The following RBFOX3 variants were observed in gnomAD, a reference collection of about 807,000 sequenced individuals.
RBFOX3 encodes RNA binding fox-1 homolog 3, also known as RNA binding protein fox-1 homolog 3.
A neutral mutation model predicts 48.7 loss-of-function variants in RBFOX3; 17 were observed. That is an observed-to-expected ratio of 0.35 (90% CI 0.24 to 0.52). The LOEUF (loss-of-function observed/expected upper bound fraction) is 0.52, where lower values mean the gene tolerates loss of function less well. Among genes scored for constraint, RBFOX3 ranks in the 20% least tolerant of loss-of-function variants. The pLI is 0.94. For missense variants in RBFOX3, 382 were observed against 497.5 expected (o/e 0.77, Z 2.21); for synonymous variants, 212 against 209.5 (o/e 1.01, Z -0.10).
intron 4 of RBFOX3, among the ~76,000 whole-genome samples, chr17:79,145,861 C>T (rs1018918386): frequency 2.6e-5 from 4 of 152,256 alleles, no homozygotes; most frequent in African/African-American, 9.6e-5. Flanking sequence ...CGTCTCCAAC[C>T]TTTTTGGTAC....
chr17:79,291,580 G>A (rs1182450000), intron 3 of RBFOX3, among the ~76,000 whole-genome samples: 1 of 152,184 alleles, frequency 6.6e-6, no homozygotes, highest in East Asian at 1.9e-4. Context: ...TCCACCCCTT[G>A]AGCCTCACAG....
At chr17:79,104,810 A>G (rs2077068891) in intron 6 of RBFOX3, among the ~76,000 whole-genome samples, 1 of 151,754 alleles carries the variant, frequency 6.6e-6, no homozygotes, top group Admixed American at 6.6e-5. Context: ...GGGCAGGGGG[A>G]AAATGGGGTT....
chr17:79,209,370 A>T (rs1025467622), intron 4 of RBFOX3, among the ~76,000 whole-genome samples: 3 of 152,246 alleles, frequency 2.0e-5, no homozygotes, highest in African/African-American at 7.2e-5. Flanking sequence ...ACAAGGCTTC[A>T]TCCCTGTTGT....
intron 2 of RBFOX3, among the ~76,000 whole-genome samples, chr17:79,399,481 T>G (rs959733764): frequency 3.0e-5 from 4 of 134,418 alleles, no homozygotes; most frequent in Admixed American, 8.0e-5. Flanking sequence ...GCAGGGATGG[T>G]TTTTTTTTGC....
chr17:79,309,350 C>A (rs536401880), intron 2 of RBFOX3, among the ~76,000 whole-genome samples: 75 of 111,676 alleles, frequency 6.7e-4, no homozygotes, highest in African/African-American at 2.2e-3. Context: ...CCTCTCCCAC[C>A]CCGTGGCTCT....
At chr17:79,193,598 T>C (rs1187363673) in intron 4 of RBFOX3, among the ~76,000 whole-genome samples, 1 of 152,230 alleles carries the variant, frequency 6.6e-6, no homozygotes, top group Non-Finnish European at 1.5e-5. Flanking sequence ...ATGCAGTGGT[T>C]AAAAATTAAC....
At chr17:79,346,007 AC>A (rs1298122185) in intron 2 of RBFOX3, among the ~76,000 whole-genome samples, 1 of 151,664 alleles carries the variant, frequency 6.6e-6, no homozygotes, top group Non-Finnish European at 1.5e-5. Flanking sequence ...TGCAATCTGC[AC>A]CTCCCGGGTT....
At chr17:79,128,304 G>T (rs1213454984) in intron 4 of RBFOX3, among the ~76,000 whole-genome samples, 3 of 151,962 alleles carry the variant, frequency 2.0e-5, no homozygotes, top group Non-Finnish European at 2.9e-5. Context: ...GTGTGGATGA[G>T]GGGGGGACTT....
chr17:79,288,724 T>C (rs2072573381), intron 3 of RBFOX3, among the ~76,000 whole-genome samples: 1 of 152,112 alleles, frequency 6.6e-6, no homozygotes, highest in African/African-American at 2.4e-5. Flanking sequence ...CACAGCGACA[T>C]GCTCTCCTGG....
the RBFOX3 span, among the ~76,000 whole-genome samples, chr17:79,663,886 T>C: frequency 6.6e-6 from 1 of 152,166 alleles, no homozygotes; most frequent in Non-Finnish European, 1.5e-5. Flanking sequence ...CAAAATTCCC[T>C]TGAAGCCCAA....
chr17:79,227,544 C>T (rs1184847167), intron 4 of RBFOX3, among the ~76,000 whole-genome samples: 1 of 152,224 alleles, frequency 6.6e-6, no homozygotes, highest in Non-Finnish European at 1.5e-5. Flanking sequence ...GGGGACTCTG[C>T]CATAGAGAAG....
At chr17:79,451,148 G>T (rs1185525130) in intron 2 of RBFOX3, among the ~76,000 whole-genome samples, 3 of 152,064 alleles carry the variant, frequency 2.0e-5, no homozygotes, top group Non-Finnish European at 4.4e-5. Flanking sequence ...GCTATCGAAA[G>T]GCACAATTAT....
chr17:79,462,973 C>A (rs1435511084), intron 2 of RBFOX3, among the ~76,000 whole-genome samples: 1 of 152,016 alleles, frequency 6.6e-6, no homozygotes. Context: ...CCACTGCCAC[C>A]TCCACCACCA....
chr17:79,484,589 T>G (rs1217937821), intron 1 of RBFOX3, among the ~76,000 whole-genome samples: 2 of 147,892 alleles, frequency 1.4e-5, no homozygotes, highest in Admixed American at 6.7e-5. Flanking sequence ...GGGGCCTGGG[T>G]GCAGGGGGCC....
chr17:79,148,553 C>T (rs2043571056), intron 4 of RBFOX3, among the ~76,000 whole-genome samples: 1 of 152,332 alleles, frequency 6.6e-6, no homozygotes, highest in South Asian at 2.1e-4. Context: ...TGAGTGCCTC[C>T]CGAAGGCCAC....
chr17:79,177,826 T>C (rs923257152), intron 4 of RBFOX3, among the ~76,000 whole-genome samples: 2 of 152,186 alleles, frequency 1.3e-5, no homozygotes, highest in African/African-American at 2.4e-5. Flanking sequence ...TGAAAAATCC[T>C]ACCACCCTCA....
At chr17:79,221,041 C>G (rs774032644) in intron 4 of RBFOX3, among the ~76,000 whole-genome samples, 14 of 152,238 alleles carry the variant, frequency 9.2e-5, no homozygotes, top group Admixed American at 5.2e-4. Context: ...ACTAACCCAC[C>G]CTGCTGGGGG....
intron 2 of RBFOX3, among the ~76,000 whole-genome samples, chr17:79,428,657 G>A (rs539088803): frequency 1.3e-5 from 2 of 152,120 alleles, no homozygotes; most frequent in Admixed American, 6.5e-5. Flanking sequence ...AGACGCCCAC[G>A]TCCACACCCC....
At position 79,460,046 on chromosome 17, in the gene RBFOX3, A is replaced by C. The variant is rs9899518; in HGVS notation, c.-175+22408T>G. On this transcript the variant is annotated intron_variant, in intron 2 of 14. Coordinates refer to ENST00000693108, the MANE Select transcript of RBFOX3 (RefSeq NM_001350451.2). ...TTCACTCCATTTCTACAAAACACTC[A>C]GAACAGGCAAATCCACAGGACAGAA... 5.9e-3 allele frequency among the ~76,000 whole-genome samples: 898 copies of C among 152,250 alleles called. 6 individuals are homozygous for C. The highest frequency in any genetic ancestry group is 0.021 in the African/African-American group (862 of 41,538).
Sources: gnomAD v4.1 joint callset for allele counts (sites outside exome capture counted in the v4.1 genomes callset) on GRCh38, gnomAD v4.1.1 for gene constraint, MANE v1.5 for transcripts, NCBI Gene and HGNC (gene_info 2026-07-23, HGNC 2026-07-21) for gene names.